Variants in MAPT observed in about 807,000 individuals in gnomAD.
MAPT encodes the protein microtubule associated protein tau.
MAPT carries 34 observed loss-of-function variants against 67.9 expected under a neutral mutation model. The ratio of observed to expected loss-of-function variants is 0.50; its 90% CI spans 0.38 to 0.67. The LOEUF is 0.67. Among genes scored for constraint, MAPT ranks in the 30% least tolerant of loss-of-function variants. The probability of loss-of-function intolerance (pLI) is 0.00; values close to 1 mark genes in which losing one functional copy is unlikely to be tolerated. For missense variants in MAPT, 881 were observed against 1,115.2 expected, an observed-to-expected ratio of 0.79 and a Z score of 2.99; for synonymous variants, 456 against 464.5, an observed-to-expected ratio of 0.98 and a Z score of 0.23.
Position 45,990,017 on chromosome 17 carries a change from A to T in MAPT, c.1547A>T (p.Tyr516Phe). 1 of 1,614,016 alleles carries T rather than the reference A, an allele frequency of 6.2e-7. No individual in the cohort carries two copies. Among genetic ancestry groups the T allele is most frequent in the Non-Finnish European group, 8.5e-7 (1 of 1,180,026 alleles). ...VCPEPPSSPK[Y>F]VSSVTSRTGS... ...CCAGAGCCACCTTCCTCTCCTAAAT[A>T]CGTCTCTTCTGTCACTTCCCGAACT... Residue 516 changes from tyrosine to phenylalanine, a missense_variant, in exon 7 of 13, where the codon TAC becomes TTC. By Grantham distance (22) the Tyr-to-Phe change is conservative (BLOSUM62 3). This residue lies in a region of MAPT where 687 missense variants were observed against 766.1 expected (regional missense o/e 0.90). Coordinates refer to ENST00000262410, the MANE Select transcript of MAPT (RefSeq NM_001377265.1).
At chr17:45,928,614 C>T (rs2066570077) in intron 1 of MAPT, among the ~76,000 whole-genome samples, 1 of 152,076 alleles carries the variant, frequency 6.6e-6, no homozygotes, top group Non-Finnish European at 1.5e-5. Flanking sequence ...TGCAAGACTC[C>T]ACCCTAGGCC....
intron 3 of MAPT, chr17:45,975,647 C>T (rs1015474668): frequency 6.6e-6 from 1 of 152,244 alleles, no homozygotes; most frequent in Admixed American, 6.5e-5. Context: ...CTAGCCAACT[C>T]TTGACTTTTC....
At chr17:46,023,016 T>C (rs2076626201) in intron 12 of MAPT, among the ~76,000 whole-genome samples, 1 of 152,208 alleles carries the variant, frequency 6.6e-6, no homozygotes, top group African/African-American at 2.4e-5. Context: ...CCTGCCAGTG[T>C]TGCCCACAGT....
chr17:46,005,691 G>A (rs985207130), intron 9 of MAPT, among the ~76,000 whole-genome samples: 10 of 152,198 alleles, frequency 6.6e-5, no homozygotes, highest in East Asian at 3.8e-4. Flanking sequence ...TGCAGAGGGC[G>A]ACAGTGACTC....
intron 1 of MAPT, among the ~76,000 whole-genome samples, chr17:45,916,723 G>T (rs558162280): frequency 6.6e-6 from 1 of 152,208 alleles, no homozygotes; most frequent in Non-Finnish European, 1.5e-5. Context: ...CTGCAGAGAG[G>T]TGCCAGCATC....
chr17:45,975,155 C>G (rs1294694010), intron 3 of MAPT: 1 of 152,296 alleles, frequency 6.6e-6, no homozygotes, highest in East Asian at 1.9e-4. Context: ...CTCCTGGAGT[C>G]ATTTCCTTCA....
intron 1 of MAPT, among the ~76,000 whole-genome samples, chr17:45,925,360 C>T (rs1476664912): frequency 1.3e-5 from 2 of 152,214 alleles, no homozygotes; most frequent in African/African-American, 2.4e-5. Context: ...GTCTCTGACC[C>T]CACTTCAAAG....
At chr17:46,000,038 T>A (rs1306701809) in intron 9 of MAPT, among the ~76,000 whole-genome samples, 1 of 152,210 alleles carries the variant, frequency 6.6e-6, no homozygotes, top group African/African-American at 2.4e-5. Context: ...CTGAGACCTT[T>A]GGGTCCCTGT....
chr17:45,920,940 A>G (rs1284518698), intron 1 of MAPT, among the ~76,000 whole-genome samples: 1 of 152,208 alleles, frequency 6.6e-6, no homozygotes, highest in African/African-American at 2.4e-5. Context: ...ATTACATTTT[A>G]ATGGCAAATT....
rs765836307 is a variant in MAPT at position 45,983,868 on chromosome 17, C to G, written c.1289C>G (p.Ser430Cys). ...AAAGAGGCTGACCTTCCAGAGCCCT[C>G]TGAAAAGCAGCCTGCTGCTGCTCCG... is the stretch of plus-strand genomic sequence containing the variant. ...DTKEADLPEP[S>C]EKQPAAAPRG... The change falls in exon 5 of 13, where the codon TCT (serine) becomes TGT (cysteine). Residue 430 changes from serine (S) to cysteine (C), a missense_variant. Ser to Cys is a moderately radical substitution (Grantham distance 112). Transcript: ENST00000262410. The G allele has an allele frequency of 1.3e-6, 2 of 1,599,706 alleles. No homozygotes were observed. Among genetic ancestry groups the G allele is most frequent in the East Asian group, 2.2e-5 (1 of 44,774 alleles).
At chr17:45,992,705 A>G (rs1423150691) in intron 8 of MAPT, among the ~76,000 whole-genome samples, 2 of 152,092 alleles carry the variant, frequency 1.3e-5, no homozygotes, top group South Asian at 2.1e-4. Context: ...CTTGGCCAAC[A>G]TGGCAAAACC....
intron 1 of MAPT, among the ~76,000 whole-genome samples, chr17:45,926,223 AAAAG>A (rs1429490253): frequency 6.6e-6 from 1 of 151,846 alleles, no homozygotes; most frequent in Non-Finnish European, 1.5e-5. Flanking sequence ...AGAAAAAAAA[AAAAG>A]AAAAGCCTTT....
intron 6 of MAPT, among the ~76,000 whole-genome samples, chr17:45,988,886 AAAACAAAC>A (rs72204658): frequency 0.15 from 22,294 of 151,996 alleles, 2,138 homozygotes; most frequent in Non-Finnish European, 0.22. Context: ...CCCTGTCTCT[AAAACAAAC>A]AAACAAACAA....
At chr17:45,956,571 TATATATATATATATATATATA>T (rs2069701215) in intron 1 of MAPT, among the ~76,000 whole-genome samples, 1 of 66,216 alleles carries the variant, frequency 1.5e-5, no homozygotes, top group Non-Finnish European at 3.1e-5. Flanking sequence ...TATATATATA[TATATATATATATATATATATA>T]TATATATATT....
At chr17:45,914,354 G>A (rs529849764) in intron 1 of MAPT, among the ~76,000 whole-genome samples, 1 of 150,098 alleles carries the variant, frequency 6.7e-6, no homozygotes, top group East Asian at 2.4e-4. Context: ...AGGCATCCAT[G>A]GGGGGACACA....
intron 12 of MAPT, among the ~76,000 whole-genome samples, chr17:46,020,793 C>T (rs2076482481): frequency 6.6e-6 from 1 of 152,164 alleles, no homozygotes; most frequent in African/African-American, 2.4e-5. Flanking sequence ...CCACCAGGTC[C>T]CTCCCACAAC....
Position 45,989,809 on chromosome 17 carries a change from T to A in MAPT, c.1408-69T>A. On this transcript the variant is annotated intron_variant, in intron 6 of 12. Transcript: ENST00000262410. ...CCTTATTTATTTTTAGTTACTGTCC[T>A]TTTTTCAGTTTGTTTCCCTCCTCCA... The A allele has an allele frequency of 2.1e-6, 3 of 1,403,476 alleles. No homozygotes were observed. In the Admixed American group the frequency reaches 5.0e-5, roughly 24 times the overall value. 86.9% of individuals were successfully genotyped at this position (1,403,476 alleles called of 1,614,324 possible).
chr17:45,910,131 A>G (rs575424032), intron 1 of MAPT, among the ~76,000 whole-genome samples: 29 of 152,298 alleles, frequency 1.9e-4, no homozygotes, highest in African/African-American at 7.0e-4. Context: ...ATATGGGGGC[A>G]CTGGAAACAC....
At chr17:45,941,260 A>C (rs889202676) in intron 1 of MAPT, among the ~76,000 whole-genome samples, 1 of 152,200 alleles carries the variant, frequency 6.6e-6, no homozygotes, top group African/African-American at 2.4e-5. Flanking sequence ...TATTGAGATG[A>C]TCATTCACAT....
Sources: gnomAD v4.1 joint callset for allele counts (sites outside exome capture counted in the v4.1 genomes callset) on GRCh38, gnomAD v4.1.1 for gene constraint, gnomAD v4.1.1 regional missense constraint, MANE v1.5 for transcripts, NCBI Gene and HGNC (gene_info 2026-07-23, HGNC 2026-07-21) for gene names.